DGKB: variants seen among roughly 807,000 people sequenced by gnomAD.
DGKB encodes 90 kDa diacylglycerol kinase.
Under a neutral mutation model 114.3 loss-of-function variants are expected in DGKB, and 67 were observed. The ratio of observed to expected loss-of-function variants is 0.59; its 90% confidence interval spans 0.48 to 0.72. DGKB has a LOEUF of 0.72. Ranked by LOEUF, DGKB falls within the 30% of genes least tolerant of loss-of-function variation. The pLI is 0.00. For synonymous variants in DGKB, 398 were observed against 323.1 expected, an observed-to-expected ratio of 1.23 and a Z score of -2.49; for missense variants, 907 against 975.2, an observed-to-expected ratio of 0.93 and a Z score of 0.93.
intron 23 of DGKB, among the ~76,000 whole-genome samples, chr7:14,225,237 G>T (rs1790603298): frequency 6.6e-6 from 1 of 152,148 alleles, no homozygotes; most frequent in African/African-American, 2.4e-5. Context: ...ACCTCTGACA[G>T]CCTTCAAACT....
intron 20 of DGKB, among the ~76,000 whole-genome samples, chr7:14,509,882 A>G (rs1787717058): frequency 1.3e-5 from 2 of 152,198 alleles, no homozygotes; most frequent in South Asian, 4.1e-4. Context: ...TGCAAATAAA[A>G]GTTATAATCA....
At chr7:14,728,426 A>G (rs1830341545) in intron 5 of DGKB, among the ~76,000 whole-genome samples, 1 of 152,192 alleles carries the variant, frequency 6.6e-6, no homozygotes, top group Non-Finnish European at 1.5e-5. Context: ...CCTCTTCTGC[A>G]GAAGCACAAC....
intron 16 of DGKB, 59 bp from the exon 17 acceptor site, chr7:14,607,567 T>C: frequency 1.4e-6 from 1 of 724,652 alleles, no homozygotes; most frequent in Non-Finnish European, 2.4e-6. Context: ...TTAAAATAAG[T>C]AATGTCTCTC....
intron 25 of DGKB, among the ~76,000 whole-genome samples, chr7:14,175,820 G>GC (rs1311074708): frequency 6.6e-6 from 1 of 151,436 alleles, no homozygotes; most frequent in African/African-American, 2.4e-5. Context: ...CTTTTTTTTG[G>GC]GGGGGATGGA....
At chr7:14,611,268 T>C (rs1449681925) in intron 16 of DGKB, among the ~76,000 whole-genome samples, 3 of 152,172 alleles carry the variant, frequency 2.0e-5, no homozygotes, top group African/African-American at 7.2e-5. Flanking sequence ...TTTATGTCCC[T>C]GCCTCTCTGC....
At chr7:14,422,826 A>G (rs944182982) in intron 21 of DGKB, among the ~76,000 whole-genome samples, 1 of 152,022 alleles carries the variant, frequency 6.6e-6, no homozygotes, top group African/African-American at 2.4e-5. Flanking sequence ...AGAAATAACA[A>G]CAATACAAAG....
chr7:14,574,277 C>T lies in DGKB; in HGVS notation c.1705G>A (p.Asp569Asn), dbSNP rs762767036. The change falls in exon 20 of 26, where the codon GAC becomes AAC. Residue 569 changes from aspartate to asparagine, a missense_variant. Coordinates refer to ENST00000402815, the MANE Select transcript of DGKB (RefSeq NM_001350709.2). ...DRWKFEVIPNDKDEKGDPVPY... is the reference protein window; with the variant it reads ...DRWKFEVIPNNKDEKGDPVPY... ...ACTGGGTCTCCTTTCTCATCTTTGTCATTAGGTATGACTTCAAACTTCCAC... is the reference window on the plus strand; with the variant it reads ...ACTGGGTCTCCTTTCTCATCTTTGTTATTAGGTATGACTTCAAACTTCCAC... 1 of 1,613,138 alleles carries T rather than the reference C, an allele frequency of 6.2e-7. No individual in the cohort carries two copies. The highest frequency in any genetic ancestry group is 1.3e-5 in the African/African-American group (1 of 74,876).
intron 6 of DGKB, among the ~76,000 whole-genome samples, chr7:14,708,494 ACGG>A (rs1054516970): frequency 1.3e-5 from 2 of 150,410 alleles, no homozygotes; most frequent in African/African-American, 5.0e-5. Context: ...CAAAAGAGAG[ACGG>A]CATCGCCAAG....
chr7:14,467,556 G>A (rs1258430651), intron 21 of DGKB, among the ~76,000 whole-genome samples: 1 of 151,934 alleles, frequency 6.6e-6, no homozygotes, highest in Admixed American at 6.6e-5. Flanking sequence ...GGGAACCATG[G>A]CATTACATAT....
At chr7:14,247,428 C>CAGGGAAAAA (rs1462297554) in intron 23 of DGKB, among the ~76,000 whole-genome samples, 1 of 152,222 alleles carries the variant, frequency 6.6e-6, no homozygotes, top group Non-Finnish European at 1.5e-5. Context: ...AACTTCCATA[C>CAGGGAAAAA]ATTTTTCCAT....
At chr7:14,327,505 G>C (rs940538500) in intron 23 of DGKB, among the ~76,000 whole-genome samples, 2 of 152,020 alleles carry the variant, frequency 1.3e-5, no homozygotes, top group Non-Finnish European at 2.9e-5. Flanking sequence ...CTGTTAATAT[G>C]TCAGTATATT....
intron 21 of DGKB, among the ~76,000 whole-genome samples, chr7:14,419,639 A>AT (rs1826353389): frequency 6.6e-6 from 1 of 151,742 alleles, no homozygotes; most frequent in Non-Finnish European, 1.5e-5. Context: ...AAAAAAAAAA[A>AT]TGTTGGACTG....
chr7:14,764,043 A>G (rs1836098246), intron 2 of DGKB, among the ~76,000 whole-genome samples: 1 of 151,958 alleles, frequency 6.6e-6, no homozygotes, highest in African/African-American at 2.4e-5. Context: ...GCCTCCCCAC[A>G]TAGCTTTTTC....
At position 14,841,447 on chromosome 7, in the gene DGKB, A is replaced by G; in HGVS notation, c.-184T>C. On this transcript the variant is annotated 5_prime_UTR_variant, in exon 2 of 26. Transcript: ENST00000402815. Reference sequence around the variant, plus strand: ...GCTTGTAATTTCAATAATGTGTTAAAGAACTGCAAAAAAAAAAAACAGATC... The same window carrying G: ...GCTTGTAATTTCAATAATGTGTTAAGGAACTGCAAAAAAAAAAAACAGATC... 3 of 364,610 alleles carry G rather than the reference A, an allele frequency of 8.2e-6. No homozygotes were observed. Among genetic ancestry groups the G allele is most frequent in the Non-Finnish European group, 9.0e-6 (2 of 222,364 alleles). The allele number at this position is 364,610 out of a possible 1,614,324, so 22.6% of individuals were successfully genotyped here. A position where few individuals can be genotyped will look rare whatever the true frequency, so the allele number is the denominator to read the frequency against.
At chr7:14,523,395 G>T (rs1790103302) in intron 20 of DGKB, among the ~76,000 whole-genome samples, 1 of 152,120 alleles carries the variant, frequency 6.6e-6, no homozygotes, top group African/African-American at 2.4e-5. Context: ...AGCCATGCAT[G>T]CTCCCTCAGG....
intron 1 of DGKB, among the ~76,000 whole-genome samples, chr7:14,895,806 G>A (rs1005954024): frequency 6.6e-6 from 1 of 151,586 alleles, no homozygotes; most frequent in African/African-American, 2.4e-5. Flanking sequence ...GAGTATGACT[G>A]ACAATCTCCA....
chr7:14,942,244 G>C (rs1785607353), intron 1 of DGKB, among the ~76,000 whole-genome samples: 1 of 151,736 alleles, frequency 6.6e-6, no homozygotes, highest in South Asian at 2.1e-4. Context: ...TTTACCACTG[G>C]AAATGAAGAG....
rs1305232119 is a variant in DGKB at position 14,225,391 on chromosome 7, G to A, written c.2123-47240C>T. On this transcript the variant is annotated intron_variant, in intron 23 of 25. Transcript: ENST00000402815. ...CATGATCCATGTGTGCCTTTTTAAG[G>A]AACATTTCCAGAGATTTGTTGCCCC... 2.0e-5 allele frequency among the ~76,000 whole-genome samples: 3 copies of A among 151,922 alleles called. No homozygotes were observed. In the East Asian group the frequency reaches 5.8e-4, roughly 29 times the overall value.
At chr7:14,528,299 CT>C (rs1790976803) in intron 20 of DGKB, among the ~76,000 whole-genome samples, 2 of 152,092 alleles carry the variant, frequency 1.3e-5, no homozygotes, top group African/African-American at 4.8e-5. Flanking sequence ...AGTGACCTTT[CT>C]ATAACTGAGT....
Sources: allele counts gnomAD v4.1 joint callset (sites outside exome capture counted in the v4.1 genomes callset), GRCh38; gene constraint gnomAD v4.1.1; transcripts MANE v1.5; gene names NCBI Gene and HGNC (gene_info 2026-07-23, HGNC 2026-07-21).